Variants in C12orf42 observed in about 807,000 individuals in gnomAD.
C12orf42 encodes the protein chromosome 12 open reading frame 42.
C12orf42 carries 25 observed loss-of-function variants against 21.6 expected under a neutral mutation model. The observed-to-expected ratio is 1.16, with a 90% CI of 0.84 to 1.62. The LOEUF is 1.62. C12orf42 is among the 40% of genes most tolerant of loss of function. C12orf42 has a pLI of 0.00. For synonymous variants in C12orf42, 174 were observed against 175.0 expected, an observed-to-expected ratio of 0.99 and a Z score of 0.05; for missense variants, 483 against 459.3, an observed-to-expected ratio of 1.05 and a Z score of -0.47.
chr12:103,343,776 A>C (rs1376438240), intron 4 of C12orf42, among the ~76,000 whole-genome samples: 6 of 145,104 alleles, frequency 4.1e-5, no homozygotes, highest in Admixed American at 6.8e-5. Flanking sequence ...CTCTGTCACA[A>C]AAAAAAAAAA....
chr12:103,475,071 C>A (rs1273190700), intron 2 of C12orf42, among the ~76,000 whole-genome samples: 2 of 152,194 alleles, frequency 1.3e-5, no homozygotes, highest in Non-Finnish European at 2.9e-5. Flanking sequence ...CCTGGAATGG[C>A]AAATGCTTCC....
intron 2 of C12orf42, among the ~76,000 whole-genome samples, chr12:103,475,654 T>A (rs992973519): frequency 1.3e-5 from 2 of 152,190 alleles, no homozygotes; most frequent in African/African-American, 4.8e-5. Flanking sequence ...CATTCCACAG[T>A]GAAAAGACCG....
chr12:103,421,268 T>C (rs2049876623), intron 2 of C12orf42, among the ~76,000 whole-genome samples: 1 of 152,078 alleles, frequency 6.6e-6, no homozygotes, highest in Non-Finnish European at 1.5e-5. Flanking sequence ...ACCAAATAAA[T>C]ATAAATGTAA....
At chr12:103,352,154 C>G (rs2043154642) in intron 4 of C12orf42, among the ~76,000 whole-genome samples, 1 of 152,108 alleles carries the variant, frequency 6.6e-6, no homozygotes, top group South Asian at 2.1e-4. Flanking sequence ...TCCTCTGTTT[C>G]CCTGGTTCTT....
At chr12:103,253,430 A>G (rs2034404029) in intron 10 of C12orf42, among the ~76,000 whole-genome samples, 1 of 152,166 alleles carries the variant, frequency 6.6e-6, no homozygotes, top group Non-Finnish European at 1.5e-5. Flanking sequence ...GATTCTTCCT[A>G]TCCATGAGCA....
At chr12:103,290,183 C>T (rs1165615657) in intron 4 of C12orf42, among the ~76,000 whole-genome samples, 2 of 152,154 alleles carry the variant, frequency 1.3e-5, no homozygotes, top group African/African-American at 4.8e-5. Flanking sequence ...TTATCAGACA[C>T]AACAGTTCAA....
intron 2 of C12orf42, among the ~76,000 whole-genome samples, chr12:103,407,032 C>A (rs2138820977): frequency 6.6e-6 from 1 of 152,228 alleles, no homozygotes; most frequent in East Asian, 1.9e-4. Context: ...CAATTTTTAT[C>A]CTTATTTTGT....
intron 10 of C12orf42, among the ~76,000 whole-genome samples, chr12:103,239,789 G>A (rs902783940): frequency 6.6e-6 from 1 of 152,142 alleles, no homozygotes; most frequent in African/African-American, 2.4e-5. Context: ...ATGTTGGTCT[G>A]GGGATAAGGA....
chr12:103,203,594 G>C, the C12orf42 span, among the ~76,000 whole-genome samples: 31 of 152,200 alleles, frequency 2.0e-4, no homozygotes, highest in African/African-American at 7.0e-4. Flanking sequence ...TTTCAGATGG[G>C]AGCTCCTCCT....
intron 2 of C12orf42, among the ~76,000 whole-genome samples, chr12:103,460,280 AAAAG>A (rs1381548647): frequency 1.1e-5 from 1 of 91,474 alleles, no homozygotes; most frequent in Non-Finnish European, 2.4e-5. Flanking sequence ...ACAAAAAAAA[AAAAG>A]AGAGAGAGAG....
At chr12:103,522,825 A>C in the C12orf42 span, among the ~76,000 whole-genome samples, 1 of 152,226 alleles carries the variant, frequency 6.6e-6, no homozygotes, top group Non-Finnish European at 1.5e-5. Context: ...GACTCTACTT[A>C]GATGCAAGTC....
At chr12:103,234,454 T>C (rs1055820665), downstream of C12orf42, among the ~76,000 whole-genome samples, 1 of 152,106 alleles carries the variant, frequency 6.6e-6, no homozygotes, top group African/African-American at 2.4e-5. Flanking sequence ...ATTACTGTTA[T>C]ATTCATTGAA....
the C12orf42 span, among the ~76,000 whole-genome samples, chr12:103,539,815 G>A: frequency 2.0e-5 from 3 of 151,580 alleles, no homozygotes; most frequent in South Asian, 2.1e-4. Flanking sequence ...TCCTGACCTC[G>A]TGATTCGCCC....
chr12:103,440,758 C>T (rs1016049695), intron 2 of C12orf42, among the ~76,000 whole-genome samples: 9 of 152,088 alleles, frequency 5.9e-5, no homozygotes, highest in African/African-American at 2.2e-4. Flanking sequence ...CACACCGTGG[C>T]TCCCCTCTTG....
At chr12:103,081,349 T>C in the C12orf42 span, 1 of 152,212 alleles carries the variant, frequency 6.6e-6, no homozygotes, top group Admixed American at 6.5e-5. Flanking sequence ...CCTGAGTTAC[T>C]CTTATCTGAA....
intron 3 of C12orf42, among the ~76,000 whole-genome samples, chr12:103,393,740 A>G (rs1472807552): frequency 6.6e-6 from 1 of 152,206 alleles, no homozygotes; most frequent in Non-Finnish European, 1.5e-5. Flanking sequence ...AATACAATTT[A>G]TTGAATGAAT....
chr12:103,171,167 A>G, the C12orf42 span, among the ~76,000 whole-genome samples: 1 of 152,134 alleles, frequency 6.6e-6, no homozygotes, highest in Admixed American at 6.6e-5. Context: ...ACTCAAAAGG[A>G]CCACTAAAAT....
intron 4 of C12orf42, among the ~76,000 whole-genome samples, chr12:103,314,393 A>G (rs1281882193): frequency 1.3e-5 from 2 of 152,198 alleles, no homozygotes; most frequent in Non-Finnish European, 2.9e-5. Context: ...GTGAATCCAA[A>G]TAGTCAAACA....
chr12:103,376,874 G>C (rs543856230), intron 3 of C12orf42, among the ~76,000 whole-genome samples: 1 of 151,900 alleles, frequency 6.6e-6, no homozygotes, highest in East Asian at 1.9e-4. Context: ...TCTCCCCTCT[G>C]TGTTCTCATT....
Sources: gnomAD v4.1 joint callset for allele counts (sites outside exome capture counted in the v4.1 genomes callset) on GRCh38, gnomAD v4.1.1 for gene constraint, MANE v1.5 for transcripts, NCBI Gene and HGNC (gene_info 2026-07-23, HGNC 2026-07-21) for gene names.